GTF2F1: variants seen among roughly 807,000 people sequenced by gnomAD.
GTF2F1 encodes the protein general transcription factor IIF subunit 1.
Under a neutral mutation model 63.5 loss-of-function variants are expected in GTF2F1, and 39 were observed. The observed-to-expected ratio is 0.61, with a 90% CI of 0.48 to 0.80. The LOEUF is 0.80. Among genes scored for constraint, GTF2F1 ranks in the 30% least tolerant of loss-of-function variants. The pLI, the probability that GTF2F1 is intolerant of heterozygous loss-of-function variation, is 0.00. For synonymous variants in GTF2F1, 287 were observed against 285.3 expected (o/e 1.01, Z -0.06); for missense variants, 657 against 718.3 (o/e 0.91, Z 0.97).
At chr19:6,382,799 CAAAAAAAAAAAA>C (rs1159505037) in intron 6 of GTF2F1, among the ~76,000 whole-genome samples, 1 of 81,586 alleles carries the variant, frequency 1.2e-5, no homozygotes, top group Non-Finnish European at 2.6e-5. Flanking sequence ...GATCCTGTCT[CAAAAAAAAAAAA>C]AAAAAAAAGA....
At chr19:6,392,611 T>C (rs1472481261) in intron 2 of GTF2F1, among the ~76,000 whole-genome samples, 1 of 152,160 alleles carries the variant, frequency 6.6e-6, no homozygotes, top group African/African-American at 2.4e-5. Context: ...CATGGGACCA[T>C]ATACTCCTCG....
intron 5 of GTF2F1, among the ~76,000 whole-genome samples, chr19:6,384,007 A>G (rs566711787): frequency 8.8e-4 from 131 of 148,068 alleles, no homozygotes; most frequent in African/African-American, 3.0e-3. Flanking sequence ...GGGTTTCACC[A>G]TGTTGGACAG....
chr19:6,389,344 A>T, intron 4 of GTF2F1, 100 bp downstream of exon 4: 1 of 862,540 alleles, frequency 1.2e-6, no homozygotes, highest in Non-Finnish European at 1.7e-6. Flanking sequence ...CAGCAGTGGG[A>T]ATCTGAGGTT....
In GTF2F1 at chr19:6,381,026, G is replaced by A; in HGVS notation, c.1109C>T (p.Pro370Leu). The change falls in exon 11 of 13, where the codon CCC becomes CTC. Residue 370 changes from proline to leucine, a missense_variant. Transcript: ENST00000394456. This position sits in a 1 kb window ranked among gnomAD's most constrained non-coding sequence, Gnocchi z 4.1. ...ALFMAKKKTPPKRERKPSGGS... is the reference protein window; with the variant it reads ...ALFMAKKKTPLKRERKPSGGS... ...TCCCGACGGCTTCCGCTCTCTCTTG[G>A]GTGGCGTCTTCTTCTTCTGCAGAGG... 1.9e-6 allele frequency: 3 copies of A among 1,611,828 alleles called. No homozygotes were observed. Among genetic ancestry groups the A allele is most frequent in the Non-Finnish European group, 2.5e-6 (3 of 1,179,194 alleles).
chr19:6,391,281 G>A (rs569305313), intron 3 of GTF2F1, among the ~76,000 whole-genome samples: 17 of 152,182 alleles, frequency 1.1e-4, no homozygotes, highest in African/African-American at 4.1e-4. Flanking sequence ...AAAGCCCCCA[G>A]CCCAGTCCCC....
Position 6,381,187 on chromosome 19 carries a change from C to T in GTF2F1, c.1027G>A (p.Glu343Lys), listed in dbSNP as rs752299707. 5.5e-5 allele frequency: 88 copies of T among 1,608,838 alleles called. No homozygotes were observed. Among genetic ancestry groups the T allele is most frequent in the African/African-American group, 4.5e-4 (34 of 74,856 alleles). The change falls in exon 10 of 13, where the codon GAG becomes AAG. Residue 343 changes from glutamate (E) to lysine (K), a missense_variant. Glu to Lys is a moderately conservative substitution (Grantham distance 56). Transcript: ENST00000394456. This position sits in a 1 kb window ranked among gnomAD's most constrained non-coding sequence, Gnocchi z 4.1. Reference sequence around the variant, plus strand: ...CTCTCCTCTGAGCTGTCCGACTCCTCGCTGCTGTCTGCGGGGCACAGGAAA... The same window carrying T: ...CTCTCCTCTGAGCTGTCCGACTCCTTGCTGCTGTCTGCGGGGCACAGGAAA... ...QEKKRRKDSS[E>K]ESDSSEESDI... is the part of the protein sequence containing the mutation.
chr19:6,389,766 A>G, intron 3 of GTF2F1, 129 bp from the exon 4 acceptor site: 1 of 753,050 alleles, frequency 1.3e-6, no homozygotes, highest in Non-Finnish European at 2.2e-6. Flanking sequence ...ACTTGGCAAC[A>G]AGGGAGGAGA....
In GTF2F1 at chr19:6,381,385, G is replaced by T; in HGVS notation, c.992C>A (p.Thr331Asn). 6.2e-7 allele frequency: 1 copy of T among 1,609,682 alleles called. No homozygotes were observed. The change falls in exon 9 of 13, where the codon ACC (threonine) becomes AAC (asparagine). Residue 331 changes from threonine (T) to asparagine (N), a missense_variant. Physicochemically the swap from Thr to Asn is moderately conservative, Grantham distance 65. Around this residue, in one of 2 missense-constraint regions of GTF2F1, gnomAD observed 602 missense variants for 625.6 expected, o/e 0.96. Transcript: ENST00000394456. This position sits in a 1 kb window ranked among gnomAD's most constrained non-coding sequence, Gnocchi z 4.1. ...TTTCCTGCGCTTCTTCTCCTGCGGG[G>T]TGGGTGCCTTCTTCTCCTCCTCCTC... ...KEEEEEKKAPTPQEKKRRKDS... is the reference protein window; with the variant it reads ...KEEEEEKKAPNPQEKKRRKDS...
chr19:6,393,164 G>T lies in GTF2F1; in HGVS notation c.-169C>A. The T allele has an allele frequency of 1.2e-6, 1 of 808,722 alleles. No individual in the cohort carries two copies. Among genetic ancestry groups the T allele is most frequent in the Non-Finnish European group, 2.0e-6 (1 of 504,838 alleles). 50.1% of individuals were successfully genotyped at this position (808,722 alleles called of 1,614,324 possible). ...GCGCTGGGAAAAGGTAACCGGAAGA[G>T]GCGCTCAAGCTACTCGGTCTACGCT... On this transcript the variant is annotated 5_prime_UTR_variant, in exon 1 of 13. Coordinates refer to ENST00000394456, the MANE Select transcript of GTF2F1 (RefSeq NM_002096.3).
chr19:6,389,389 G>A lies in GTF2F1; in HGVS notation c.326+55C>T. ...TACCCCACAAAGTATGTAAGTTGAG[G>A]CCTGGGGATGTGGACTGGTCACTAA... On this transcript the variant is annotated intron_variant, in intron 4 of 12. Coordinates refer to ENST00000394456, the MANE Select transcript of GTF2F1 (RefSeq NM_002096.3). 2.0e-6 allele frequency: 3 copies of A among 1,524,474 alleles called. No individual in the cohort carries two copies. In the South Asian group the frequency reaches 3.5e-5, roughly 18 times the overall value. 94.4% of individuals were successfully genotyped at this position (1,524,474 alleles called of 1,614,324 possible).
rs990555248 is a variant in GTF2F1 at position 6,381,474 on chromosome 19, G to C, written c.903C>G (p.Val301=). 35 of 1,607,374 alleles carry C rather than the reference G, an allele frequency of 2.2e-5. No individual in the cohort carries two copies. Among genetic ancestry groups the C allele is most frequent in the Non-Finnish European group, 2.8e-5 (33 of 1,179,242 alleles). The change falls in exon 9 of 13, where the codon GTC becomes GTG. Residue 301 remains valine, a synonymous_variant. Coordinates refer to ENST00000394456, the MANE Select transcript of GTF2F1 (RefSeq NM_002096.3). This position sits in a 1 kb window ranked among gnomAD's most constrained non-coding sequence, Gnocchi z 4.1. ...CCTCACTACTGTCGCTCTGCTCATC[G>C]ACACCTGGGAGGGGCAGGGTATGAG... ...APQQEEGPKG[V]DEQSDSSEES...
At position 6,380,055 on chromosome 19, in the gene GTF2F1, G is replaced by A. The variant is rs1265026269; in HGVS notation, c.*226C>T. Reference sequence around the variant, plus strand: ...CAATAAGAAGGCCTAACAGGCATCTGAAGATTCCAGAAGGAAGGGCCAGAG... The same window carrying A: ...CAATAAGAAGGCCTAACAGGCATCTAAAGATTCCAGAAGGAAGGGCCAGAG... On this transcript the variant is annotated 3_prime_UTR_variant, in exon 13 of 13. Transcript: ENST00000394456. The surrounding 1 kb of genome is among the most constrained non-coding windows in gnomAD (Gnocchi z 5.3). 1.7e-6 allele frequency: 1 copy of A among 596,458 alleles called. No individual in the cohort carries two copies. The highest frequency in any genetic ancestry group is 2.9e-5 in the Admixed American group (1 of 34,510). 36.9% of individuals were successfully genotyped at this position (596,458 alleles called of 1,614,324 possible).
intron 5 of GTF2F1, 119 bp downstream of exon 5, chr19:6,387,269 TG>T: frequency 1.1e-6 from 1 of 910,348 alleles, no homozygotes; most frequent in East Asian, 2.5e-5. Flanking sequence ...GACGGCCGAG[TG>T]GGGTCTGCCC....
At position 6,389,686 on chromosome 19, in the gene GTF2F1, G is replaced by A. The variant is rs567365656; in HGVS notation, c.133-49C>T. The A allele has an allele frequency of 3.6e-5, 56 of 1,553,064 alleles. No individual in the cohort carries two copies. In the South Asian group the frequency reaches 5.3e-4, roughly 15 times the overall value. On this transcript the variant is annotated intron_variant, in intron 3 of 12. Coordinates refer to ENST00000394456, the MANE Select transcript of GTF2F1 (RefSeq NM_002096.3). ...TCTCAGGGTCCCTGGCTTTGCTTGC[G>A]CAGTGCCCCCCTCCAGGAACGCCCT...
rs753656181 is a variant in GTF2F1 at position 6,381,094 on chromosome 19, C to T, written c.1092+28G>A. On this transcript the variant is annotated intron_variant, in intron 10 of 12. Transcript: ENST00000394456. The surrounding 1 kb of genome is among the most constrained non-coding windows in gnomAD (Gnocchi z 4.1). ...GTGAGTCTGCAAACAGACGCCCAGGCCTCCCCCGCCACCGGGCTGGGCCTT... is the reference window on the plus strand; with the variant it reads ...GTGAGTCTGCAAACAGACGCCCAGGTCTCCCCCGCCACCGGGCTGGGCCTT... 11 of 1,605,266 alleles carry T rather than the reference C, an allele frequency of 6.9e-6. No homozygotes were observed. In the South Asian group the frequency reaches 1.0e-4, roughly 15 times the overall value.
At chr19:6,391,403 A>T (rs2091996389) in intron 3 of GTF2F1, among the ~76,000 whole-genome samples, 1 of 147,942 alleles carries the variant, frequency 6.8e-6, no homozygotes, top group Admixed American at 6.8e-5. Context: ...ACTTACAGGG[A>T]CACCCAGGAG....
At chr19:6,384,385 G>GTAGTCCTGACTACTCAGGAGGCT (rs1319345065) in intron 5 of GTF2F1, among the ~76,000 whole-genome samples, 12 of 151,958 alleles carry the variant, frequency 7.9e-5, no homozygotes, top group Non-Finnish European at 1.3e-4. Context: ...GCATGTGCCT[G>GTAGTCCTGACTACTCAGGAGGCT]TAGTCCTGAC....
rs979020406 is a variant in GTF2F1 at position 6,393,123 on chromosome 19, A to G, written c.-128T>C. On this transcript the variant is annotated 5_prime_UTR_variant, in exon 1 of 13. Coordinates refer to ENST00000394456, the MANE Select transcript of GTF2F1 (RefSeq NM_002096.3). ...TCTCTGTGCCTGAGCGAGGACCCCA[A>G]CCCTAGGCGCCTCTGGCGCTGGGAA... The G allele has an allele frequency of 8.2e-7, 1 of 1,220,082 alleles. No homozygotes were observed. Among genetic ancestry groups the G allele is most frequent in the African/African-American group, 1.5e-5 (1 of 66,378 alleles). The allele number at this position is 1,220,082 out of a possible 1,614,324, so 75.6% of individuals were successfully genotyped here.
Position 6,383,598 on chromosome 19 carries a change from T to C in GTF2F1, c.498-103A>G. ...GGCACCACCCACATAGCCTTCAAGG[T>C]GATGTGGCCCCCGGGGACTTGGGCT... is the stretch of plus-strand genomic sequence containing the variant. On this transcript the variant is annotated intron_variant, in intron 5 of 12. Transcript: ENST00000394456. The surrounding 1 kb of genome is among the most constrained non-coding windows in gnomAD (Gnocchi z 4.5). 1.6e-6 allele frequency: 2 copies of C among 1,233,234 alleles called. No homozygotes were observed. The highest frequency in any genetic ancestry group is 1.1e-6 in the Non-Finnish European group (1 of 871,118). The allele number at this position is 1,233,234 out of a possible 1,614,324, so 76.4% of individuals were successfully genotyped here.
Sources: gnomAD v4.1 joint callset for allele counts (sites outside exome capture counted in the v4.1 genomes callset) on GRCh38, gnomAD v4.1.1 for gene constraint, gnomAD v4.1.1 regional missense constraint, Gnocchi (gnomAD v3.1) non-coding constraint, MANE v1.5 for transcripts, NCBI Gene and HGNC (gene_info 2026-07-23, HGNC 2026-07-21) for gene names.